The following CADM1 variants were observed in gnomAD, a reference collection of about 807,000 sequenced individuals.
CADM1 encodes cell adhesion molecule 1.
In CADM1, 15 loss-of-function variants were observed where a neutral mutation model predicts 53.1. The ratio of observed to expected loss-of-function variants is 0.28; its 90% CI spans 0.19 to 0.44. The LOEUF (loss-of-function observed/expected upper bound fraction) is 0.44. Among genes scored for constraint, CADM1 ranks in the 20% least tolerant of loss-of-function variants. The pLI, the probability that CADM1 is intolerant of heterozygous loss-of-function variation, is 1.00. For synonymous variants in CADM1, 281 were observed against 243.0 expected (o/e 1.16, Z -1.45); for missense variants, 434 against 611.3 (o/e 0.71, Z 3.06).
intron 1 of CADM1, among the ~76,000 whole-genome samples, chr11:115,414,254 A>C (rs991644874): frequency 6.6e-6 from 1 of 152,174 alleles, no homozygotes; most frequent in Non-Finnish European, 1.5e-5. Flanking sequence ...CAACTATGTA[A>C]AGAACATCAA....
At chr11:115,266,875 C>A (rs1302887048) in intron 1 of CADM1, among the ~76,000 whole-genome samples, 1 of 152,178 alleles carries the variant, frequency 6.6e-6, no homozygotes, top group Non-Finnish European at 1.5e-5. Flanking sequence ...GGTGAAAATT[C>A]AATGTCAATA....
At chr11:115,492,535 G>A (rs1949519377) in intron 1 of CADM1, among the ~76,000 whole-genome samples, 2 of 151,998 alleles carry the variant, frequency 1.3e-5, no homozygotes, top group South Asian at 4.2e-4. Context: ...AAACTAATCT[G>A]TAAATTTGTG....
At chr11:115,211,849 T>C (rs566477893) in intron 7 of CADM1, among the ~76,000 whole-genome samples, 6 of 152,124 alleles carry the variant, frequency 3.9e-5, no homozygotes, top group Non-Finnish European at 8.8e-5. Flanking sequence ...ATGTCCACAA[T>C]ACAATAAGAG....
intron 1 of CADM1, among the ~76,000 whole-genome samples, chr11:115,243,958 A>G (rs1004359210): frequency 1.3e-5 from 2 of 152,268 alleles, no homozygotes; most frequent in Non-Finnish European, 2.9e-5. Context: ...TAAGGGTGGA[A>G]CAATATCTGG....
intron 1 of CADM1, among the ~76,000 whole-genome samples, chr11:115,501,055 T>C (rs1298447356): frequency 6.6e-6 from 1 of 152,256 alleles, no homozygotes; most frequent in African/African-American, 2.4e-5. Flanking sequence ...CCTGCTCTTT[T>C]ATTCCCCCCC....
chr11:115,293,256 C>A (rs1943955376), intron 1 of CADM1, among the ~76,000 whole-genome samples: 1 of 152,100 alleles, frequency 6.6e-6, no homozygotes, highest in Non-Finnish European at 1.5e-5. Flanking sequence ...CATGGTGAAA[C>A]CCCGTCTCTA....
chr11:115,214,699 A>G lies in CADM1; in HGVS notation c.903T>C (p.Asn301=), dbSNP rs34106103. 527 of 1,614,008 alleles carry G rather than the reference A, an allele frequency of 3.3e-4. 2 individuals carry two copies. In the African/African-American group the frequency reaches 6.5e-3, roughly 20 times the overall value. Residue 301 remains asparagine (N), a synonymous_variant, in exon 7 of 12, where the codon AAT becomes AAC. Coordinates refer to ENST00000331581, the MANE Select transcript of CADM1 (RefSeq NM_001301043.2). ...AVLSGPNLFI[N]NLNKTDNGTY... ...TACCATTATCTGTTTTGTTTAGGTT[A>G]TTGATGAACAGGTTGGGCCCAGACA...
chr11:115,435,754 G>A (rs1032136021), intron 1 of CADM1, among the ~76,000 whole-genome samples: 2 of 151,994 alleles, frequency 1.3e-5, no homozygotes, highest in African/African-American at 4.8e-5. Context: ...AATAAAATAA[G>A]TTGTACTGGA....
At chr11:115,470,934 C>T (rs542208425) in intron 1 of CADM1, among the ~76,000 whole-genome samples, 2 of 152,134 alleles carry the variant, frequency 1.3e-5, no homozygotes, top group Non-Finnish European at 2.9e-5. Flanking sequence ...AAAACTGGTC[C>T]CCCTCTCTGC....
chr11:115,379,880 A>G (rs1257683414), intron 1 of CADM1, among the ~76,000 whole-genome samples: 1 of 152,174 alleles, frequency 6.6e-6, no homozygotes, highest in Non-Finnish European at 1.5e-5. Flanking sequence ...CTTTAATACT[A>G]TTTGTTTTAG....
intron 1 of CADM1, among the ~76,000 whole-genome samples, chr11:115,479,095 T>C (rs1167259644): frequency 6.6e-6 from 1 of 152,146 alleles, no homozygotes; most frequent in Non-Finnish European, 1.5e-5. Flanking sequence ...TCACTTAGCT[T>C]TAATTCACAC....
chr11:115,183,046 A>G (rs1939384660), intron 10 of CADM1, among the ~76,000 whole-genome samples: 1 of 152,154 alleles, frequency 6.6e-6, no homozygotes, highest in Non-Finnish European at 1.5e-5. Flanking sequence ...GTGATGCCCC[A>G]AACTGCTCAG....
At chr11:115,324,291 C>T (rs1337155378) in intron 1 of CADM1, among the ~76,000 whole-genome samples, 1 of 152,124 alleles carries the variant, frequency 6.6e-6, no homozygotes, top group Non-Finnish European at 1.5e-5. Context: ...ACTTTCTTTG[C>T]TATGTAGGTT....
chr11:115,262,244 A>C (rs1212033549), intron 1 of CADM1, among the ~76,000 whole-genome samples: 1 of 152,060 alleles, frequency 6.6e-6, no homozygotes, highest in African/African-American at 2.4e-5. Context: ...TGTGTTACCA[A>C]CTAGGATTTT....
chr11:115,185,838 C>G (rs1433567050), intron 10 of CADM1, among the ~76,000 whole-genome samples: 1 of 152,238 alleles, frequency 6.6e-6, no homozygotes, highest in African/African-American at 2.4e-5. Context: ...ACATTTCCCA[C>G]TAGAATCTCT....
intron 1 of CADM1, among the ~76,000 whole-genome samples, chr11:115,270,096 G>A (rs1343195544): frequency 5.3e-5 from 8 of 152,202 alleles, no homozygotes; most frequent in African/African-American, 1.9e-4. Context: ...ATGCATTTAA[G>A]TAGCACAGCA....
At chr11:115,334,175 G>A (rs777794637) in intron 1 of CADM1, among the ~76,000 whole-genome samples, 1 of 152,168 alleles carries the variant, frequency 6.6e-6, no homozygotes, top group Non-Finnish European at 1.5e-5. Context: ...TACTCTGCAT[G>A]TTTGTACAGG....
At chr11:115,319,117 A>G (rs2366904) in intron 1 of CADM1, among the ~76,000 whole-genome samples, 97,693 of 152,036 alleles carry the variant, frequency 0.64, 33,486 homozygotes, top group African/African-American at 0.87. Context: ...TAGTTGCCTC[A>G]CAAACATCCA....
chr11:115,311,008 A>T (rs1944518551), intron 1 of CADM1, among the ~76,000 whole-genome samples: 3 of 152,204 alleles, frequency 2.0e-5, no homozygotes, highest in African/African-American at 7.2e-5. Context: ...CTGGATAAAC[A>T]AACAAGTACT....
Sources: allele counts gnomAD v4.1 joint callset (sites outside exome capture counted in the v4.1 genomes callset), GRCh38; gene constraint gnomAD v4.1.1; transcripts MANE v1.5; gene names NCBI Gene and HGNC (gene_info 2026-07-23, HGNC 2026-07-21).